Variants in POLG observed in about 807,000 individuals in gnomAD.
The protein encoded by POLG is DNA polymerase gamma, catalytic subunit.
Under a neutral mutation model 155.4 loss-of-function variants are expected in POLG, and 110 were observed. The observed-to-expected ratio is 0.71, with a 90% confidence interval of 0.61 to 0.83. The LOEUF (loss-of-function observed/expected upper bound fraction) is 0.83, where lower values mean the gene tolerates loss of function less well. Ranked by LOEUF, POLG falls within the 40% of genes least tolerant of loss-of-function variation. The probability of loss-of-function intolerance (pLI) is 0.00; values close to 1 mark genes in which losing one functional copy is unlikely to be tolerated. For missense variants in POLG, 1,685 were observed against 1,627.5 expected (o/e 1.04, Z -0.61); for synonymous variants, 701 against 631.5 (o/e 1.11, Z -1.65).
At position 89,327,054 on chromosome 15, in the gene POLG, T is replaced by G. The variant is rs1325331080; in HGVS notation, c.1443A>C (p.Glu481Asp). Residue 481 changes from glutamate to aspartate, a missense_variant, in exon 8 of 23, where the codon GAA becomes GAC. Physicochemically the swap from Glu to Asp is conservative, Grantham distance 45 (BLOSUM62 2). Transcript: ENST00000268124. ...CQLLSGERYKEDPWLWDLEWD... is the reference protein window; with the variant it reads ...CQLLSGERYKDDPWLWDLEWD... ...ACTCCAGGTCCCAGAGCCAGGGGTC[T>G]TCTTTGTACCTACAGAGCCAGTCCA... The G allele has an allele frequency of 5.6e-6, 9 of 1,614,234 alleles. No individual in the cohort carries two copies. In the South Asian group the frequency reaches 6.6e-5, roughly 12 times the overall value.
Position 89,333,415 on chromosome 15 carries a change from C to T in POLG, c.340G>A (p.Gly114Arg), listed in dbSNP as rs772928467. Residue 114 changes from glycine (G) to arginine (R), a missense_variant, in exon 2 of 23, where the codon GGG becomes AGG. Physicochemically the swap from Gly to Arg is moderately radical, Grantham distance 125. Around this residue, in one of 3 missense-constraint regions of POLG, gnomAD observed 1,210 missense variants for 1,167.1 expected, o/e 1.04. Coordinates refer to ENST00000268124, the MANE Select transcript of POLG (RefSeq NM_002693.3). ...TCGGGCAAGGGCACGGCTGGCTGCC[C>T]CCAGAGCCCGTGCTTCTGCAGGTGC... ...VEHLQKHGLW[G>R]QPAVPLPDVE... The T allele has an allele frequency of 6.2e-7, 1 of 1,606,384 alleles. No homozygotes were observed. The highest frequency in any genetic ancestry group is 8.5e-7 in the Non-Finnish European group (1 of 1,179,064).
chr15:89,322,033 G>A lies in POLG; in HGVS notation c.2427-18C>T, dbSNP rs762498573. 26 of 1,613,178 alleles carry A rather than the reference G, an allele frequency of 1.6e-5. No homozygotes were observed. Among genetic ancestry groups the A allele is most frequent in the Middle Eastern group, 1.6e-4 (1 of 6,062 alleles). On this transcript the variant is annotated intron_variant, in intron 14 of 22. Coordinates refer to ENST00000268124, the MANE Select transcript of POLG (RefSeq NM_002693.3). ...TCTGGGAGCTGTGGGGACAGACAAC[G>A]TGAGGCTCAGCACAGCCATGGGAAG...
Position 89,316,623 on chromosome 15 carries a change from C to G in POLG, c.*128G>C. On this transcript the variant is annotated 3_prime_UTR_variant, in exon 23 of 23. Coordinates refer to ENST00000268124, the MANE Select transcript of POLG (RefSeq NM_002693.3). ...TTAGAAGGAATCTTCTTGGCAGGTC[C>G]TGCTACTGAAAAATGGCTGGCCTTA... 1 of 1,120,376 alleles carries G rather than the reference C, an allele frequency of 8.9e-7. No individual in the cohort carries two copies. The allele number at this position is 1,120,376 out of a possible 1,614,324, so 69.4% of individuals were successfully genotyped here.
chr15:89,321,454 G>A (rs2055394886), intron 16 of POLG, among the ~76,000 whole-genome samples, 194 bp from the exon 17 acceptor site: 1 of 152,172 alleles, frequency 6.6e-6, no homozygotes, highest in African/African-American at 2.4e-5. Context: ...TCTACTCTAT[G>A]CCTAGCGCTA....
Position 89,319,887 on chromosome 15 carries a change from C to T in POLG, c.2982-537G>A, listed in dbSNP as rs960639754. On this transcript the variant is annotated intron_variant, in intron 18 of 22. Transcript: ENST00000268124. ...AACCTGCAGACCTCACAAGGCTTGT[C>T]GCCTGAAGGCTCCAGAGACACGTCA... Among the ~76,000 whole-genome samples, 18 of 152,160 alleles carry T rather than the reference C, an allele frequency of 1.2e-4. 1 individual carries two copies. The highest frequency in any genetic ancestry group is 1.1e-3 in the Admixed American group (17 of 15,278).
rs764135034 is a variant in POLG at position 89,324,112 on chromosome 15, GC to G, written c.2064del (p.Trp688CysfsTer4). 1 of 1,614,016 alleles carries G rather than the reference GC, an allele frequency of 6.2e-7. No individual in the cohort carries two copies. The highest frequency in any genetic ancestry group is 1.1e-5 in the South Asian group (1 of 91,086). ...EFLLTDNSAI[W>X]QTVEELDYLE... ...GGTTCAGAGCCTGCCCTCACCGTTT[GC>G]CATATGGCACTATTGTCAGTGAGCA... On this transcript the variant is annotated frameshift_variant, in exon 11 of 23. Coordinates refer to ENST00000268124, the MANE Select transcript of POLG (RefSeq NM_002693.3). LOFTEE classifies it high-confidence loss of function.
chr15:89,326,477 A>T, intron 9 of POLG, 135 bp downstream of exon 9: 2 of 962,906 alleles, frequency 2.1e-6, no homozygotes, highest in South Asian at 3.0e-5. Context: ...ACTGGAAGAC[A>T]GTGTGACTGA....
intron 14 of POLG, 148 bp from the exon 15 acceptor site, chr15:89,322,163 C>T: frequency 1.3e-6 from 1 of 790,946 alleles, no homozygotes; most frequent in Non-Finnish European, 2.2e-6. Context: ...AGCCCTGGCT[C>T]AGCCAAGAAC....
rs969894350 is a variant in POLG at position 89,316,601 on chromosome 15, G to A, written c.*150C>T. On this transcript the variant is annotated 3_prime_UTR_variant, in exon 23 of 23. Coordinates refer to ENST00000268124, the MANE Select transcript of POLG (RefSeq NM_002693.3). ...CTGAATTCAACTGCACCTTCAGTTA[G>A]AAGGAATCTTCTTGGCAGGTCCTGC... 1.8e-6 allele frequency: 2 copies of A among 1,108,924 alleles called. No homozygotes were observed. Among genetic ancestry groups the A allele is most frequent in the Non-Finnish European group, 2.7e-6 (2 of 738,480 alleles). The allele number at this position is 1,108,924 out of a possible 1,614,324, so 68.7% of individuals were successfully genotyped here.
At chr15:89,325,097 T>A (rs12903570) in intron 10 of POLG, among the ~76,000 whole-genome samples, 718 of 34,352 alleles carry the variant, frequency 0.021, 40 homozygotes, top group African/African-American at 0.057. Context: ...AGTGAGTGAG[T>A]GAGAGAGTGA....
chr15:89,328,865 G>C (rs1490233113), intron 4 of POLG, 34 bp from the exon 5 acceptor site: 19 of 1,614,006 alleles, frequency 1.2e-5, no homozygotes, highest in Non-Finnish European at 1.5e-5. Context: ...TGGCAGATCA[G>C]CCTGGCCTCG....
intron 21 of POLG, chr15:89,317,808 A>C: frequency 4.2e-6 from 2 of 472,048 alleles, no homozygotes; most frequent in East Asian, 4.1e-5. Flanking sequence ...AATATACGAA[A>C]TCACTTCCAA....
chr15:89,319,170 C>A lies in POLG; in HGVS notation c.3104+58G>T, dbSNP rs1261924218. ...AAAGCTAAAAAACAAAGCATCCAAGCTCTTCTGGGGCAAGCCCAGACCCCT... is the reference window on the plus strand; with the variant it reads ...AAAGCTAAAAAACAAAGCATCCAAGATCTTCTGGGGCAAGCCCAGACCCCT... On this transcript the variant is annotated intron_variant, in intron 19 of 22. Transcript: ENST00000268124. 3.7e-6 allele frequency: 6 copies of A among 1,614,054 alleles called. No individual in the cohort carries two copies. In the South Asian group the frequency reaches 5.5e-5, roughly 15 times the overall value.
In POLG at chr15:89,329,051, G is replaced by A. The variant is rs769410130; in HGVS notation, c.915C>T (p.Ser305=). Residue 305 remains serine (S), a synonymous_variant, in exon 4 of 23, where the codon AGC becomes AGT. Coordinates refer to ENST00000268124, the MANE Select transcript of POLG (RefSeq NM_002693.3). The part of the protein sequence containing the change: ...MSMHMAISGL[S]SFQRSLWIAA... ...CTATCCACAGACTGCGCTGGAAGCT[G>A]CTTAGCCCTGAGATGGCCATGTGCA... is the stretch of plus-strand genomic sequence containing the variant. 3 of 1,613,194 alleles carry A rather than the reference G, an allele frequency of 1.9e-6. No individual in the cohort carries two copies. The highest frequency in any genetic ancestry group is 2.5e-6 in the Non-Finnish European group (3 of 1,180,030).
chr15:89,325,421 C>T (rs1345732028), intron 10 of POLG, 29 bp downstream of exon 10: 4 of 1,501,344 alleles, frequency 2.7e-6, no homozygotes, highest in Non-Finnish European at 3.7e-6. Context: ...TAGGCTCCAG[C>T]CCCTTCCTCC....
intron 18 of POLG, 90 bp from the exon 19 acceptor site, chr15:89,319,440 C>A: frequency 6.5e-7 from 1 of 1,543,834 alleles, no homozygotes; most frequent in Non-Finnish European, 8.8e-7. Flanking sequence ...ATCACTTCAA[C>A]TTTTAAAAAC....
chr15:89,325,096 G>GAA (rs2055466890), intron 10 of POLG, among the ~76,000 whole-genome samples: 1 of 86,812 alleles, frequency 1.2e-5, no homozygotes, highest in African/African-American at 7.2e-5. Context: ...GAGTGAGTGA[G>GAA]TGAGAGAGTG....
At chr15:89,331,527 A>AATACT (rs2055593936) in intron 2 of POLG, among the ~76,000 whole-genome samples, 1 of 152,234 alleles carries the variant, frequency 6.6e-6, no homozygotes, top group Admixed American at 6.5e-5. Flanking sequence ...CCATGCCATT[A>AATACT]ATACTAGTTT....
In POLG at chr15:89,316,840, GC is replaced by G. The variant is rs1483142790; in HGVS notation, c.3644-14del. ...TCCAGCGCTTCACCTGAAAGATAGTGCAAATTGGTTAGGATGCCACCTCAAG... is the reference window on the plus strand; with the variant it reads ...TCCAGCGCTTCACCTGAAAGATAGTGAAATTGGTTAGGATGCCACCTCAAG... On this transcript the variant is annotated splice_polypyrimidine_tract_variant and intron_variant, in intron 22 of 22. Transcript: ENST00000268124. 6.2e-7 allele frequency: 1 copy of G among 1,603,352 alleles called. No homozygotes were observed. Among genetic ancestry groups the G allele is most frequent in the South Asian group, 1.1e-5 (1 of 90,858 alleles).
Sources: gnomAD v4.1 joint callset for allele counts (sites outside exome capture counted in the v4.1 genomes callset) on GRCh38, gnomAD v4.1.1 for gene constraint, gnomAD v4.1.1 regional missense constraint, MANE v1.5 for transcripts, NCBI Gene and HGNC (gene_info 2026-07-23, HGNC 2026-07-21) for gene names.